DCTPP1: variants seen among roughly 807,000 people sequenced by gnomAD.
DCTPP1 encodes dCTP pyrophosphatase 1.
Under a neutral mutation model 8.8 loss-of-function variants are expected in DCTPP1, and 8 were observed. That is an observed-to-expected ratio of 0.91 (90% CI 0.54 to 1.64). The LOEUF is 1.64. Ranked by LOEUF, DCTPP1 falls within the 40% of genes most tolerant of loss-of-function variation. The probability of loss-of-function intolerance (pLI) is 0.00; values close to 1 mark genes in which losing one functional copy is unlikely to be tolerated. For synonymous variants in DCTPP1, 85 were observed against 92.1 expected (o/e 0.92, Z 0.44); for missense variants, 231 against 230.4 (o/e 1.00, Z -0.02).
At chr16:30,426,475 G>A (rs1442407109) in intron 2 of DCTPP1, among the ~76,000 whole-genome samples, 1 of 90,674 alleles carries the variant, frequency 1.1e-5, no homozygotes, top group Non-Finnish European at 2.3e-5. Context: ...GCACCTGGCC[G>A]GTTTTTTTTT....
rs2050178848 is a variant in DCTPP1, at chr16:30,424,189, C to G, written c.*44G>C. ...GGCTCCAGGGCCAGGCCACTCTCTG[C>G]TCTTCAGACACCACCCTGAGTTGCA... On this transcript the variant is annotated 3_prime_UTR_variant, in exon 3 of 3. Transcript: ENST00000319285. 1.3e-6 allele frequency: 2 copies of G among 1,599,800 alleles called. No homozygotes were observed. The highest frequency in any genetic ancestry group is 8.5e-7 in the Non-Finnish European group (1 of 1,171,750).
At chr16:30,426,595 C>G (rs1487997893) in intron 2 of DCTPP1, among the ~76,000 whole-genome samples, 5 of 151,876 alleles carry the variant, frequency 3.3e-5, no homozygotes, top group Non-Finnish European at 4.4e-5. Flanking sequence ...CCTCAGCCTC[C>G]TGAGTAGCTG....
Position 30,424,215 on chromosome 16 carries a change from A to G in DCTPP1, c.*18T>C. 6 of 1,610,516 alleles carry G rather than the reference A, an allele frequency of 3.7e-6. No individual in the cohort carries two copies. The highest frequency in any genetic ancestry group is 5.1e-6 in the Non-Finnish European group (6 of 1,177,458). ...TCTTCAGACACCACCCTGAGTTGCA[A>G]GTCCTGTGGCCATCTTTCTAGGTTG... On this transcript the variant is annotated 3_prime_UTR_variant, in exon 3 of 3. Transcript: ENST00000319285.
intron 1 of DCTPP1, 22 bp downstream of exon 1, chr16:30,429,858 G>C (rs1228485768): frequency 6.3e-7 from 1 of 1,584,992 alleles, no homozygotes; most frequent in East Asian, 2.4e-5. Flanking sequence ...TCCCCACCCC[G>C]AGCTGGGCCA....
intron 2 of DCTPP1, chr16:30,428,766 CA>C (rs949362903): frequency 6.5e-5 from 27 of 416,742 alleles, no homozygotes; most frequent in South Asian, 1.5e-4. Flanking sequence ...GACCCCGTCT[CA>C]AAAAAAAGCC....
At chr16:30,429,764 G>T in intron 1 of DCTPP1, 116 bp downstream of exon 1, 2 of 1,013,442 alleles carry the variant, frequency 2.0e-6, no homozygotes, top group Non-Finnish European at 2.8e-6. Flanking sequence ...ACAGCCCACA[G>T]AGCCAGGACC....
In DCTPP1 at chr16:30,429,929, C is replaced by G. The variant is rs749322219; in HGVS notation, c.52G>C (p.Ala18Pro). The change falls in exon 1 of 3, where the codon GCT becomes CCT. Residue 18 changes from alanine to proline, a missense_variant. Transcript: ENST00000319285. ...CTGAAGCTGAACCGGCCGGGAGCAG[C>G]AGTGTCCTCTCCCCCCGTGTCCCCA... ...IRGDTGGEDT[A>P]APGRFSFSPE... The G allele has an allele frequency of 3.1e-6, 5 of 1,593,346 alleles. No individual in the cohort carries two copies. The Admixed American group carries it at 6.9e-5, about 22-fold the overall frequency.
At chr16:30,426,967 C>T (rs1302181163) in intron 2 of DCTPP1, among the ~76,000 whole-genome samples, 3 of 150,598 alleles carry the variant, frequency 2.0e-5, no homozygotes, top group Admixed American at 1.3e-4. Context: ...TCCCAAAGTG[C>T]TGGGATTACA....
chr16:30,429,863 G>A lies in DCTPP1; in HGVS notation c.101+17C>T. The A allele has an allele frequency of 6.3e-7, 1 of 1,590,334 alleles. No individual in the cohort carries two copies. ...AGGGGCGACTTCCCCACCCCGAGCT[G>A]GGCCAGGCCTGCTTACATGTCCTCG... On this transcript the variant is annotated intron_variant, in intron 1 of 2. Coordinates refer to ENST00000319285, the MANE Select transcript of DCTPP1 (RefSeq NM_024096.2).
intron 1 of DCTPP1, 45 bp from the exon 2 acceptor site, chr16:30,429,212 G>A (rs1432773611): frequency 8.7e-6 from 14 of 1,603,914 alleles, no homozygotes; most frequent in Non-Finnish European, 1.2e-5. Context: ...CCGGGTTAGA[G>A]GGTGATGCAG....
chr16:30,426,238 C>A (rs904458296), intron 2 of DCTPP1, among the ~76,000 whole-genome samples: 1 of 152,070 alleles, frequency 6.6e-6, no homozygotes, highest in Admixed American at 6.6e-5. Context: ...TGCAGTGGCA[C>A]GATCTTGGCT....
At chr16:30,429,551 T>C (rs1242117472) in intron 1 of DCTPP1, 20 of 410,640 alleles carry the variant, frequency 4.9e-5, no homozygotes, top group Non-Finnish European at 7.8e-5. Flanking sequence ...AAAAATAACG[T>C]CTCCCACCTC....
chr16:30,429,218 TGCAGGGGCCAGA>T, intron 1 of DCTPP1, 51 bp from the exon 2 acceptor site: 1 of 1,600,768 alleles, frequency 6.2e-7, no homozygotes, highest in South Asian at 1.1e-5. Context: ...TAGAGGGTGA[TGCAGGGGCCAGA>T]GGCAGCTACC....
rs150094969 is a variant in DCTPP1, at chr16:30,428,270, G to A, written c.212+787C>T. Among the ~76,000 whole-genome samples, 423 of 152,206 alleles carry A rather than the reference G, an allele frequency of 2.8e-3. 3 individuals are homozygous for A. Among genetic ancestry groups the A allele is most frequent in the Non-Finnish European group, 5.1e-3 (350 of 68,012 alleles). Reference sequence around the variant, plus strand: ...TGTGCCTATTGAGCGCCTACTATGCGCTGGGCACTTGGGACACATCAGAGA... The same window carrying A: ...TGTGCCTATTGAGCGCCTACTATGCACTGGGCACTTGGGACACATCAGAGA... On this transcript the variant is annotated intron_variant, in intron 2 of 2. Coordinates refer to ENST00000319285, the MANE Select transcript of DCTPP1 (RefSeq NM_024096.2).
chr16:30,428,649 A>G (rs1230678983), intron 2 of DCTPP1, among the ~76,000 whole-genome samples: 1 of 152,152 alleles, frequency 6.6e-6, no homozygotes, highest in East Asian at 1.9e-4. Flanking sequence ...GGGCACCTGT[A>G]GTCCCAGCTA....
chr16:30,429,526 T>C, intron 1 of DCTPP1: 1 of 406,616 alleles, frequency 2.5e-6, no homozygotes, highest in Non-Finnish European at 4.4e-6. Flanking sequence ...AAGCCTTTCT[T>C]GACCTCCTCC....
In DCTPP1 at chr16:30,429,095, CAGG is replaced by C. The variant is rs1206366772; in HGVS notation, c.171_173del (p.Leu58del). On this transcript the variant is annotated inframe_deletion, in exon 2 of 3. Coordinates refer to ENST00000319285, the MANE Select transcript of DCTPP1 (RefSeq NM_024096.2). ...GCTCCCCCACTTCCCCAACCAAGGC[CAGG>C]AGGAGATTCCGAGGCTGATGGAACT... The C allele has an allele frequency of 3.1e-6, 5 of 1,613,832 alleles. No homozygotes were observed. In the South Asian group the frequency reaches 3.3e-5, roughly 11 times the overall value.
At position 30,429,177 on chromosome 16, in the gene DCTPP1, G is replaced by T. The variant is rs1051510854; in HGVS notation, c.102-10C>A. The T allele has an allele frequency of 6.2e-7, 1 of 1,613,788 alleles. No individual in the cohort carries two copies. Among genetic ancestry groups the T allele is most frequent in the Non-Finnish European group, 8.5e-7 (1 of 1,179,906 alleles). On this transcript the variant is annotated splice_polypyrimidine_tract_variant and intron_variant, in intron 1 of 2. Transcript: ENST00000319285. ...AGCATGGAGGCGGCGGCTGAAATAG[G>T]ACAAAGGAGTGTAAGTCCAAGTCTC...
At chr16:30,429,267 C>T in intron 1 of DCTPP1, 100 bp from the exon 2 acceptor site, 1 of 1,149,172 alleles carries the variant, frequency 8.7e-7, no homozygotes, top group Non-Finnish European at 1.3e-6. Context: ...GGGCCTGGGA[C>T]CAGGAGATTC....
Sources: gnomAD v4.1 joint callset for allele counts (sites outside exome capture counted in the v4.1 genomes callset) on GRCh38, gnomAD v4.1.1 for gene constraint, MANE v1.5 for transcripts, NCBI Gene and HGNC (gene_info 2026-07-23, HGNC 2026-07-21) for gene names.